Variants in LAMP2 observed in about 807,000 individuals in gnomAD.
LAMP2 encodes lysosome-associated membrane glycoprotein 2.
Under a neutral mutation model 25.6 loss-of-function variants are expected in LAMP2, and 4 were observed. The ratio of observed to expected loss-of-function variants is 0.16; its 90% CI spans 0.08 to 0.36. LAMP2 has a LOEUF of 0.36. Among genes scored for constraint, LAMP2 ranks in the 10% least tolerant of loss-of-function variants. LAMP2 has a pLI of 1.00. For synonymous variants in LAMP2, 108 were observed against 112.7 expected (o/e 0.96, Z 0.27); for missense variants, 272 against 301.4 (o/e 0.90, Z 0.72).
chrX:120,463,390 A>C (rs1253052333), intron 1 of LAMP2, among the ~76,000 whole-genome samples: 1 of 112,266 alleles, frequency 8.9e-6, no homozygotes. Flanking sequence ...GTAAGGAAAC[A>C]AGATTCAACA....
At chrX:120,467,865 C>A (rs1290114187) in intron 1 of LAMP2, among the ~76,000 whole-genome samples, 1 of 112,171 alleles carries the variant, frequency 8.9e-6, no homozygotes, top group Non-Finnish European at 1.9e-5. Flanking sequence ...TGGGTTCAAG[C>A]GATTCTCCTG....
intron 8 of LAMP2, chrX:120,438,998 GTAGTTGA>G: frequency 9.3e-7 from 1 of 1,070,155 alleles, no homozygotes; most frequent in African/African-American, 1.9e-5. Flanking sequence ...CAACTAATTT[GTAGTTGA>G]TAGTTTTTTG....
rs778577575 is a variant in LAMP2, at chrX:120,446,391, G to A, written c.778C>T (p.His260Tyr). 4.3e-5 allele frequency: 52 copies of A among 1,205,007 alleles called. No homozygotes were observed. Among genetic ancestry groups the A allele is most frequent in the Non-Finnish European group, 5.5e-5 (49 of 891,031 alleles). ...TGAGAACGGCAGCTGCCTGTGGAGT[G>A]AGTTGTATTGGGGTTGATGTTAATA... ...SVININPNTT[H>Y]STGSCRSHTA... The change falls in exon 6 of 9, where the codon CAC becomes TAC. Residue 260 changes from histidine (H) to tyrosine (Y), a missense_variant. His to Tyr is a moderately conservative substitution (Grantham distance 83). Coordinates refer to ENST00000200639, the MANE Select transcript of LAMP2 (RefSeq NM_002294.3).
At chrX:120,453,996 C>T (rs754304152) in intron 3 of LAMP2, among the ~76,000 whole-genome samples, 171 of 111,135 alleles carry the variant, frequency 1.5e-3, no homozygotes, top group Non-Finnish European at 2.9e-3. Context: ...TTTTGCTTTC[C>T]CTGGTTTCAG....
At position 120,426,151 on chromosome X, in the gene LAMP2, T is replaced by C. The variant is rs778592348; in HGVS notation, c.*5172A>G. Among the ~76,000 whole-genome samples the C allele has an allele frequency of 2.2e-4, 22 of 101,878 alleles. No homozygotes were observed. Among genetic ancestry groups the C allele is most frequent in the Non-Finnish European group, 3.6e-4 (18 of 50,208 alleles). The allele number at this position is 101,878 out of a possible 115,157, so 88.5% of individuals were successfully genotyped here. ...ATAAAAATGAGGTTATCCATAGTGG[T>C]ATGGAATGTATGATCTTTATTAATT... On this transcript the variant is annotated 3_prime_UTR_variant, in exon 9 of 9. Transcript: ENST00000200639.
chrX:120,442,461 A>G (rs2058577625), intron 7 of LAMP2, 138 bp downstream of exon 7: 1 of 573,125 alleles, frequency 1.7e-6, no homozygotes, highest in African/African-American at 2.2e-5. Context: ...ACTGATTTTA[A>G]GGTATGATCA....
At chrX:120,437,167 A>G (rs888134312) in intron 8 of LAMP2, 7 of 748,926 alleles carry the variant, frequency 9.3e-6, no homozygotes, top group Non-Finnish European at 3.1e-6. Context: ...CAGGAATCTG[A>G]TCTTGAGCCA....
intron 1 of LAMP2, among the ~76,000 whole-genome samples, chrX:120,467,358 T>C: frequency 9.0e-6 from 1 of 111,602 alleles, no homozygotes; most frequent in East Asian, 2.8e-4. Context: ...TTTAGCAGCA[T>C]CCTTGGCCTC....
intron 8 of LAMP2, among the ~76,000 whole-genome samples, chrX:120,434,466 T>C (rs1352469214): frequency 8.9e-6 from 1 of 112,104 alleles, no homozygotes; most frequent in East Asian, 2.8e-4. Flanking sequence ...ATTTAGTTAA[T>C]GGAAAAAATG....
At chrX:120,442,003 C>T (rs2058574920) in intron 7 of LAMP2, 109 bp from the exon 8 acceptor site, 1 of 677,476 alleles carries the variant, frequency 1.5e-6, no homozygotes, top group East Asian at 3.3e-5. Context: ...CTTTGGGAAG[C>T]CAAGGTGGGC....
intron 8 of LAMP2, among the ~76,000 whole-genome samples, chrX:120,431,956 G>T (rs2058524970): frequency 8.9e-6 from 1 of 111,778 alleles, no homozygotes; most frequent in African/African-American, 3.3e-5. Context: ...AGATATAAGT[G>T]GGCCCTGATG....
In LAMP2 at chrX:120,431,106, G is replaced by GT. The variant is rs2058521057; in HGVS notation, c.*216dup. ...TGCACGTTGATGTTCTTTTGAACAA[G>GT]TTTGTCTCCAGGACCAGTAAATATG... On this transcript the variant is annotated 3_prime_UTR_variant, in exon 9 of 9. Transcript: ENST00000200639. 1.9e-6 allele frequency: 2 copies of GT among 1,030,358 alleles called. No individual in the cohort carries two copies. The highest frequency in any genetic ancestry group is 4.0e-5 in the Admixed American group (1 of 25,067). The allele number at this position is 1,030,358 out of a possible 1,213,427, so 84.9% of individuals were successfully genotyped here. A position where few individuals can be genotyped will look rare whatever the true frequency, so the allele number is the denominator to read the frequency against.
At position 120,430,448 on chromosome X, in the gene LAMP2, TCAA is replaced by T; in HGVS notation, c.*872_*874del. On this transcript the variant is annotated 3_prime_UTR_variant, in exon 9 of 9. Coordinates refer to ENST00000200639, the MANE Select transcript of LAMP2 (RefSeq NM_002294.3). ...TAAATAGATTTTAATGCTCCAGAGATCAACAAGATGAGGTAGAGAAACACAACA... is the reference window on the plus strand; with the variant it reads ...TAAATAGATTTTAATGCTCCAGAGATCAAGATGAGGTAGAGAAACACAACA... 1 of 752,752 alleles carries T rather than the reference TCAA, an allele frequency of 1.3e-6. No homozygotes were observed. The highest frequency in any genetic ancestry group is 1.6e-6 in the Non-Finnish European group (1 of 637,877). 62.0% of individuals were successfully genotyped at this position (752,752 alleles called of 1,213,427 possible).
intron 8 of LAMP2, chrX:120,437,581 T>C (rs1410282922): frequency 1.3e-6 from 1 of 750,448 alleles, no homozygotes; most frequent in African/African-American, 2.3e-5. Context: ...TATTTTGCTT[T>C]CTCCTATAAA....
chrX:120,443,869 T>A (rs1400139329), intron 6 of LAMP2, among the ~76,000 whole-genome samples: 1 of 110,777 alleles, frequency 9.0e-6, no homozygotes, highest in African/African-American at 3.3e-5. Context: ...TAGTTCCAGC[T>A]ATTTGGGCAG....
chrX:120,463,460 T>C (rs1420663403), intron 1 of LAMP2, among the ~76,000 whole-genome samples: 1 of 112,176 alleles, frequency 8.9e-6, no homozygotes, highest in Non-Finnish European at 1.9e-5. Context: ...TCCAGAATTC[T>C]TTCACAATGC....
At chrX:120,443,063 T>A (rs2058580765) in intron 6 of LAMP2, among the ~76,000 whole-genome samples, 1 of 111,725 alleles carries the variant, frequency 9.0e-6, no homozygotes, top group Admixed American at 9.5e-5. Flanking sequence ...ACTCATCTGA[T>A]CAGCCAGTCA....
intron 1 of LAMP2, among the ~76,000 whole-genome samples, chrX:120,463,920 T>C (rs1290823064): frequency 2.8e-5 from 3 of 106,164 alleles, no homozygotes; most frequent in Non-Finnish European, 5.7e-5. Context: ...TTTTCGTTTT[T>C]TTTTTGTTTT....
In LAMP2 at chrX:120,431,239, A is replaced by G. The variant is rs1480682300; in HGVS notation, c.*84T>C. On this transcript the variant is annotated 3_prime_UTR_variant, in exon 9 of 9. Transcript: ENST00000200639. ...TTAAAGTTTCAACATATCAATTTTAAGAAGCAAAGTGTTTCAACAACTGAG... is the reference window on the plus strand; with the variant it reads ...TTAAAGTTTCAACATATCAATTTTAGGAAGCAAAGTGTTTCAACAACTGAG... The G allele has an allele frequency of 2.5e-6, 3 of 1,195,990 alleles. No individual in the cohort carries two copies. The African/African-American group carries it at 5.2e-5, about 21-fold the overall frequency.
Sources: gnomAD v4.1 joint callset for allele counts (sites outside exome capture counted in the v4.1 genomes callset) on GRCh38, gnomAD v4.1.1 for gene constraint, MANE v1.5 for transcripts, NCBI Gene and HGNC (gene_info 2026-07-23, HGNC 2026-07-21) for gene names.